MAP3K20: variants seen among roughly 807,000 people sequenced by gnomAD.
MAP3K20 encodes mitogen-activated protein kinase kinase kinase 20, also known as HCCS-4.
Under a neutral mutation model 85.7 loss-of-function variants are expected in MAP3K20, and 40 were observed. That is an observed-to-expected ratio of 0.47 (90% confidence interval 0.36 to 0.61). The LOEUF (loss-of-function observed/expected upper bound fraction) is 0.61, where lower values mean the gene tolerates loss of function less well. Among genes scored for constraint, MAP3K20 ranks in the 20% least tolerant of loss-of-function variants. The pLI is 0.00. For synonymous variants in MAP3K20, 325 were observed against 327.7 expected, an observed-to-expected ratio of 0.99 and a Z score of 0.09; for missense variants, 817 against 961.7, an observed-to-expected ratio of 0.85 and a Z score of 1.99.
intron 4 of MAP3K20, among the ~76,000 whole-genome samples, chr2:173,186,367 G>A (rs937128354): frequency 2.0e-5 from 3 of 152,122 alleles, no homozygotes; most frequent in Non-Finnish European, 2.9e-5. Flanking sequence ...TTTGAGGGAT[G>A]TAGAACTTCT....
chr2:173,189,575 A>T (rs1440460645), intron 5 of MAP3K20, among the ~76,000 whole-genome samples: 1 of 152,184 alleles, frequency 6.6e-6, no homozygotes, highest in African/African-American at 2.4e-5. Flanking sequence ...ATCCACATAG[A>T]TATTTTTTAA....
rs559896432 is a variant in MAP3K20, at chr2:173,228,961, T to C, written c.988-728T>C. On this transcript the variant is annotated intron_variant, in intron 11 of 19. Coordinates refer to ENST00000375213, the MANE Select transcript of MAP3K20 (RefSeq NM_016653.3). Reference sequence around the variant, plus strand: ...CTGTACCAAACTCTAATTTGACTTATAGGACACACAGACTTCTAAAAATTA... The same window carrying C: ...CTGTACCAAACTCTAATTTGACTTACAGGACACACAGACTTCTAAAAATTA... Among the ~76,000 whole-genome samples the C allele has an allele frequency of 5.5e-4, 84 of 152,352 alleles. 2 individuals are homozygous for C. The highest frequency in any genetic ancestry group is 1.9e-3 in the African/African-American group (77 of 41,598).
At chr2:173,111,181 A>G (rs1687964726) in intron 2 of MAP3K20, among the ~76,000 whole-genome samples, 2 of 152,290 alleles carry the variant, frequency 1.3e-5, no homozygotes, top group East Asian at 1.9e-4. Context: ...CCTGATCATT[A>G]GTGATGTTGA....
chr2:173,253,646 C>T (rs575190398), intron 16 of MAP3K20, among the ~76,000 whole-genome samples: 1 of 152,274 alleles, frequency 6.6e-6, no homozygotes, highest in East Asian at 1.9e-4. Context: ...TTGCAGTTCC[C>T]ATAGGACCTC....
intron 16 of MAP3K20, among the ~76,000 whole-genome samples, chr2:173,254,072 G>A (rs79206139): frequency 1.7e-4 from 23 of 134,466 alleles, no homozygotes; most frequent in African/African-American, 1.1e-4. Flanking sequence ...ACCTGTGTCA[G>A]AAAAAAAAAA....
At chr2:173,086,267 C>T (rs1483577668) in intron 1 of MAP3K20, among the ~76,000 whole-genome samples, 1 of 152,090 alleles carries the variant, frequency 6.6e-6, no homozygotes, top group Non-Finnish European at 1.5e-5. Flanking sequence ...CCCCAACACG[C>T]TTTAAATATA....
intron 11 of MAP3K20, chr2:173,226,555 A>G (rs1574136400): frequency 2.1e-5 from 21 of 985,838 alleles, no homozygotes; most frequent in Non-Finnish European, 2.5e-5. Context: ...CAGCATTTCT[A>G]TGATGAAAAA....
chr2:173,239,810 C>T (rs564770044), intron 16 of MAP3K20, among the ~76,000 whole-genome samples: 4 of 152,266 alleles, frequency 2.6e-5, no homozygotes, highest in African/African-American at 7.2e-5. Context: ...GTCACAGCTT[C>T]CTGCTGATTC....
chr2:173,206,289 T>A (rs1300744061), intron 9 of MAP3K20, among the ~76,000 whole-genome samples: 1 of 152,258 alleles, frequency 6.6e-6, no homozygotes, highest in Non-Finnish European at 1.5e-5. Context: ...GTCTTGAAGC[T>A]GTGCAGCTGG....
rs115127583 is a variant in MAP3K20, at chr2:173,087,795, A to G, written c.-34-3203A>G. 8.8e-3 allele frequency among the ~76,000 whole-genome samples: 1,335 copies of G among 152,286 alleles called. 18 individuals carry two copies. Among genetic ancestry groups the G allele is most frequent in the African/African-American group, 0.031 (1,275 of 41,538 alleles). ...TACCAATCAAGACATTTTAAGATATACAGATTCTCAAAAAATTCTATTCTG... is the reference window on the plus strand; with the variant it reads ...TACCAATCAAGACATTTTAAGATATGCAGATTCTCAAAAAATTCTATTCTG... On this transcript the variant is annotated intron_variant, in intron 1 of 19. Transcript: ENST00000375213.
At chr2:173,221,473 C>CGATGATGATGAT in intron 11 of MAP3K20, 3 of 1,608,962 alleles carry the variant, frequency 1.9e-6, no homozygotes, top group Non-Finnish European at 2.6e-6. Context: ...CAGAAGGTGA[C>CGATGATGATGAT]GATGATGATG....
chr2:173,223,765 T>G (rs950734295), intron 11 of MAP3K20: 1 of 985,296 alleles, frequency 1.0e-6, no homozygotes, highest in Non-Finnish European at 1.2e-6. Flanking sequence ...TTCACACATA[T>G]GTACAAATAC....
intron 10 of MAP3K20, chr2:173,212,846 G>A (rs547498446): frequency 6.7e-6 from 1 of 149,832 alleles, no homozygotes; most frequent in East Asian, 2.0e-4. Context: ...GTGCAAAAAT[G>A]TAGGGACACT....
chr2:173,212,030 A>G (rs1683914592), intron 10 of MAP3K20: 1 of 152,252 alleles, frequency 6.6e-6, no homozygotes, highest in African/African-American at 2.4e-5. Context: ...TGTGCCTTGA[A>G]CACAGCATTT....
intron 9 of MAP3K20, 148 bp from the exon 10 acceptor site, chr2:173,209,581 T>C: frequency 1.6e-6 from 1 of 621,056 alleles, no homozygotes; most frequent in Non-Finnish European, 2.7e-6. Flanking sequence ...ATCTGATGAT[T>C]GTAAAATAAC....
chr2:173,211,499 TC>T (rs1461441376), intron 10 of MAP3K20: 2 of 152,340 alleles, frequency 1.3e-5, no homozygotes, highest in Non-Finnish European at 2.9e-5. Context: ...CTCCTGTTCA[TC>T]ATTCACATGG....
intron 11 of MAP3K20, among the ~76,000 whole-genome samples, chr2:173,218,639 C>G (rs73974109): frequency 2.0e-5 from 3 of 152,224 alleles, no homozygotes; most frequent in Non-Finnish European, 2.9e-5. Flanking sequence ...CTGAAGTCTG[C>G]GAGGTTTTGT....
chr2:173,217,887 C>T (rs1684124295), intron 11 of MAP3K20, among the ~76,000 whole-genome samples: 1 of 152,142 alleles, frequency 6.6e-6, no homozygotes, highest in South Asian at 2.1e-4. Context: ...TATTTTTAAG[C>T]ATTTCACTGG....
At chr2:173,161,183 T>C (rs1689646161) in intron 2 of MAP3K20, among the ~76,000 whole-genome samples, 1 of 152,236 alleles carries the variant, frequency 6.6e-6, no homozygotes, top group African/African-American at 2.4e-5. Context: ...GAAATTGTGC[T>C]CATGTAATTG....
Sources: allele counts gnomAD v4.1 joint callset (sites outside exome capture counted in the v4.1 genomes callset), GRCh38; gene constraint gnomAD v4.1.1; transcripts MANE v1.5; gene names NCBI Gene and HGNC (gene_info 2026-07-23, HGNC 2026-07-21).